CACNA1E: variants seen among roughly 807,000 people sequenced by gnomAD.
CACNA1E encodes voltage-dependent R-type calcium channel subunit alpha-1E.
CACNA1E carries 40 observed loss-of-function variants against 259.2 expected under a neutral mutation model. That is an observed-to-expected ratio of 0.15 (90% CI 0.12 to 0.20). CACNA1E has a LOEUF of 0.20. Among genes scored for constraint, CACNA1E ranks in the 10% least tolerant of loss-of-function variants. The pLI is 1.00. For synonymous variants in CACNA1E, 1,104 were observed against 1,138.5 expected, an observed-to-expected ratio of 0.97 and a Z score of 0.61; for missense variants, 1,874 against 3,040.1, an observed-to-expected ratio of 0.62 and a Z score of 9.02.
intron 7 of CACNA1E, among the ~76,000 whole-genome samples, chr1:181,665,730 A>G (rs184669170): frequency 6.6e-6 from 1 of 152,316 alleles, no homozygotes; most frequent in African/African-American, 2.4e-5. Context: ...ATAAATATGT[A>G]CAATTACAAT....
intron 2 of CACNA1E, among the ~76,000 whole-genome samples, chr1:181,474,702 ATTATC>A (rs1202447151): frequency 1.3e-5 from 2 of 152,300 alleles, no homozygotes; most frequent in East Asian, 3.9e-4. Context: ...GCAGGACTTT[ATTATC>A]TTATGTTTAA....
intron 1 of CACNA1E, among the ~76,000 whole-genome samples, chr1:181,363,300 G>A (rs1010886041): frequency 1.1e-4 from 17 of 152,198 alleles, no homozygotes; most frequent in Non-Finnish European, 2.2e-4. Context: ...CAAAATGCGC[G>A]TGTGGGATGT....
At chr1:181,786,513 G>T (rs1660859346) in intron 43 of CACNA1E, among the ~76,000 whole-genome samples, 1 of 151,304 alleles carries the variant, frequency 6.6e-6, no homozygotes, top group African/African-American at 2.4e-5. Context: ...TTCAGAAAGG[G>T]AACTTACTTT....
At chr1:181,671,497 G>C (rs1013731191) in intron 7 of CACNA1E, among the ~76,000 whole-genome samples, 1 of 152,160 alleles carries the variant, frequency 6.6e-6, no homozygotes, top group Non-Finnish European at 1.5e-5. Context: ...GCAGGCTTTG[G>C]ATAGCAACTT....
chr1:181,731,619 G>A (rs1357291505), intron 19 of CACNA1E, among the ~76,000 whole-genome samples: 1 of 152,138 alleles, frequency 6.6e-6, no homozygotes, highest in Non-Finnish European at 1.5e-5. Context: ...CACAGGCACA[G>A]GCTCAGGGAG....
intron 1 of CACNA1E, among the ~76,000 whole-genome samples, chr1:181,326,071 G>A (rs1038103561): frequency 1.3e-5 from 2 of 152,212 alleles, no homozygotes; most frequent in East Asian, 3.8e-4. Context: ...CACCCAGGCC[G>A]CTGCCAATCC....
At chr1:181,642,436 G>T (rs1021210904) in intron 6 of CACNA1E, among the ~76,000 whole-genome samples, 1 of 152,060 alleles carries the variant, frequency 6.6e-6, no homozygotes, top group Admixed American at 6.6e-5. Flanking sequence ...GTTGAAGAGC[G>T]GTTACCTTGG....
intron 30 of CACNA1E, 32 bp downstream of exon 30, chr1:181,757,158 C>G (rs1658157577): frequency 1.3e-6 from 2 of 1,492,330 alleles, no homozygotes; most frequent in Non-Finnish European, 9.3e-7. Flanking sequence ...TGGGGAGCAG[C>G]AGAGGCTCCA....
At chr1:181,396,170 C>T (rs1032921944) in intron 1 of CACNA1E, among the ~76,000 whole-genome samples, 3 of 152,204 alleles carry the variant, frequency 2.0e-5, no homozygotes, top group Non-Finnish European at 2.9e-5. Context: ...CTGGCTTCCC[C>T]CACAGCAAGT....
intron 17 of CACNA1E, 64 bp from the exon 18 acceptor site, chr1:181,726,001 A>T: frequency 9.1e-7 from 1 of 1,102,364 alleles, no homozygotes; most frequent in South Asian, 1.3e-5. Flanking sequence ...TTAGGAGAGC[A>T]GCCAAGGGAA....
chr1:181,603,710 A>G (rs1417651152), intron 6 of CACNA1E, among the ~76,000 whole-genome samples: 1 of 152,170 alleles, frequency 6.6e-6, no homozygotes, highest in African/African-American at 2.4e-5. Context: ...GTCAGATGCT[A>G]TTGAGCATTT....
chr1:181,573,583 A>G (rs1012099769), intron 3 of CACNA1E, among the ~76,000 whole-genome samples: 2 of 152,216 alleles, frequency 1.3e-5, no homozygotes, highest in African/African-American at 4.8e-5. Flanking sequence ...TCTTTCAAGA[A>G]TATTACCATC....
At chr1:181,762,532 C>CG (rs1658673807) in intron 32 of CACNA1E, 42 bp from the exon 33 acceptor site, 2 of 1,048,464 alleles carry the variant, frequency 1.9e-6, no homozygotes, top group African/African-American at 4.7e-5. Context: ...TTTTTTTTTT[C>CG]TTTCCTTTTC....
chr1:181,612,826 C>G (rs1453470776), intron 6 of CACNA1E, among the ~76,000 whole-genome samples: 2 of 152,194 alleles, frequency 1.3e-5, no homozygotes, highest in African/African-American at 4.8e-5. Context: ...GTTTGCCTAT[C>G]CTGAGGTCAT....
At chr1:181,573,749 C>T (rs1367204315) in intron 3 of CACNA1E, among the ~76,000 whole-genome samples, 2 of 152,156 alleles carry the variant, frequency 1.3e-5, no homozygotes, top group Non-Finnish European at 2.9e-5. Context: ...CCAGAAATAC[C>T]ATTTGACCCA....
rs539644091 is a variant in CACNA1E, at chr1:181,462,363, C to T, written c.435-21381C>T. ...TCCTTCAGGAAAGGTTGTGCTAATTCCAACCTCACCCACAGTGAATGAGAT... is the reference window on the plus strand; with the variant it reads ...TCCTTCAGGAAAGGTTGTGCTAATTTCAACCTCACCCACAGTGAATGAGAT... On this transcript the variant is annotated intron_variant, in intron 2 of 11. Coordinates refer to the CACNA1E transcript ENST00000524607. 5.3e-5 allele frequency among the ~76,000 whole-genome samples: 8 copies of T among 152,290 alleles called. No individual in the cohort carries two copies. In the East Asian group the frequency reaches 1.4e-3, roughly 26 times the overall value.
intron 40 of CACNA1E, 129 bp downstream of exon 40, chr1:181,783,913 T>G: frequency 1.7e-6 from 1 of 597,464 alleles, no homozygotes; most frequent in Non-Finnish European, 3.1e-6. Context: ...CATCTGAACA[T>G]CAAGTATCTG....
intron 3 of CACNA1E, among the ~76,000 whole-genome samples, chr1:181,577,187 G>A (rs917258208): frequency 6.6e-6 from 1 of 152,170 alleles, no homozygotes; most frequent in Non-Finnish European, 1.5e-5. Context: ...AATCCAATTA[G>A]GGTCAAAGAG....
chr1:181,569,857 T>C (rs1650228252), intron 3 of CACNA1E, among the ~76,000 whole-genome samples: 2 of 152,196 alleles, frequency 1.3e-5, no homozygotes, highest in South Asian at 4.1e-4. Context: ...AGGGAGCTGG[T>C]TTTGAACTGA....
Sources: allele counts gnomAD v4.1 joint callset (sites outside exome capture counted in the v4.1 genomes callset), GRCh38; gene constraint gnomAD v4.1.1; transcripts MANE v1.5; gene names NCBI Gene and HGNC (gene_info 2026-07-23, HGNC 2026-07-21).